Variants in CDYL2 observed in about 807,000 individuals in gnomAD.
CDYL2 encodes chromodomain Y-like protein 2.
In CDYL2, 23 loss-of-function variants were observed where a neutral mutation model predicts 49.4. The observed-to-expected ratio is 0.47, with a 90% CI of 0.34 to 0.66. CDYL2 has a LOEUF of 0.66. Among genes scored for constraint, CDYL2 ranks in the 30% least tolerant of loss-of-function variants. CDYL2 has a pLI of 0.01. For synonymous variants in CDYL2, 360 were observed against 268.8 expected (o/e 1.34, Z -3.32); for missense variants, 678 against 656.4 (o/e 1.03, Z -0.36).
chr16:80,623,539 A>T (rs1907175335), intron 3 of CDYL2, among the ~76,000 whole-genome samples: 1 of 152,194 alleles, frequency 6.6e-6, no homozygotes, highest in Non-Finnish European at 1.5e-5. Context: ...CTGCCTAGAA[A>T]TGCAGAGTCT....
chr16:80,778,201 T>C (rs1433117137), intron 1 of CDYL2, among the ~76,000 whole-genome samples: 1 of 151,996 alleles, frequency 6.6e-6, no homozygotes, highest in African/African-American at 2.4e-5. Context: ...TAGCCACTTC[T>C]TTAATTCATG....
At chr16:80,640,979 T>C (rs1186241207) in intron 2 of CDYL2, among the ~76,000 whole-genome samples, 2 of 151,974 alleles carry the variant, frequency 1.3e-5, no homozygotes, top group African/African-American at 4.8e-5. Flanking sequence ...AAAGGGCAAA[T>C]CTAAGAGTTA....
intron 2 of CDYL2, among the ~76,000 whole-genome samples, chr16:80,661,852 G>C (rs368898277): frequency 2.6e-5 from 4 of 152,144 alleles, no homozygotes; most frequent in African/African-American, 9.7e-5. Flanking sequence ...TGAGGGATAA[G>C]CCTGAGATGT....
intron 2 of CDYL2, among the ~76,000 whole-genome samples, chr16:80,636,937 G>A (rs985372148): frequency 6.6e-6 from 1 of 152,168 alleles, no homozygotes; most frequent in Admixed American, 6.5e-5. Context: ...ATCATTCTCA[G>A]CAAATGAACA....
chr16:80,763,493 TC>T (rs1906609581), intron 1 of CDYL2, among the ~76,000 whole-genome samples: 1 of 151,382 alleles, frequency 6.6e-6, no homozygotes, highest in Non-Finnish European at 1.5e-5. Flanking sequence ...GCACCTGTAA[TC>T]CCAGCAGCTT....
rs1906134745 is a variant in CDYL2, at chr16:80,602,487, G to C, written c.*1901C>G. ...CACTGCTTAAAGGACCATGTCTCTA[G>C]ATCTGGTGTAGACTATCAACGTGTT... On this transcript the variant is annotated 3_prime_UTR_variant, in exon 7 of 7. Coordinates refer to ENST00000570137, the MANE Select transcript of CDYL2 (RefSeq NM_152342.4). 1 of 152,184 alleles carries C rather than the reference G, an allele frequency of 6.6e-6. No homozygotes were observed. The highest frequency in any genetic ancestry group is 6.5e-5 in the Admixed American group (1 of 15,284). 9.4% of individuals were successfully genotyped at this position (152,184 alleles called of 1,614,324 possible).
chr16:80,611,466 G>A (rs1440226563), intron 5 of CDYL2, among the ~76,000 whole-genome samples: 6 of 152,118 alleles, frequency 3.9e-5, no homozygotes, highest in Admixed American at 6.5e-5. Context: ...GGGAGGAGCC[G>A]TCAAAGGAAG....
chr16:80,784,333 AG>A (rs1907364096), intron 1 of CDYL2, among the ~76,000 whole-genome samples: 1 of 152,226 alleles, frequency 6.6e-6, no homozygotes, highest in African/African-American at 2.4e-5. Flanking sequence ...CCCATTATCC[AG>A]AAGTTCTAAG....
intron 1 of CDYL2, among the ~76,000 whole-genome samples, chr16:80,779,344 T>C (rs1374846641): frequency 2.1e-5 from 3 of 141,482 alleles, no homozygotes; most frequent in African/African-American, 9.1e-5. Context: ...ACCTCTCAAG[T>C]TGCATTTTTT....
intron 1 of CDYL2, among the ~76,000 whole-genome samples, chr16:80,701,469 T>C (rs976337559): frequency 6.6e-6 from 1 of 152,222 alleles, no homozygotes; most frequent in East Asian, 1.9e-4. Context: ...AAAAATATTT[T>C]TTAAATTAAT....
At chr16:80,626,310 G>C (rs1907299412) in intron 3 of CDYL2, among the ~76,000 whole-genome samples, 1 of 146,904 alleles carries the variant, frequency 6.8e-6, no homozygotes, top group South Asian at 2.2e-4. Context: ...AAAAATTGGT[G>C]AATGTGTTGT....
chr16:80,658,194 G>C lies in CDYL2; in HGVS notation c.617-24958C>G, dbSNP rs141178985. Among the ~76,000 whole-genome samples, 23 of 152,042 alleles carry C rather than the reference G, an allele frequency of 1.5e-4. No homozygotes were observed. In the East Asian group the frequency reaches 4.2e-3, roughly 28 times the overall value. On this transcript the variant is annotated intron_variant, in intron 2 of 6. Coordinates refer to ENST00000570137, the MANE Select transcript of CDYL2 (RefSeq NM_152342.4). Reference sequence around the variant, plus strand: ...GTTGGCAGGGAAAATTGAGTAAAAGGGATGGGGAAGAGGTGACCCTTCTTT... The same window carrying C: ...GTTGGCAGGGAAAATTGAGTAAAAGCGATGGGGAAGAGGTGACCCTTCTTT...
chr16:80,689,875 C>A (rs1304971795), intron 1 of CDYL2, among the ~76,000 whole-genome samples: 2 of 152,146 alleles, frequency 1.3e-5, no homozygotes, highest in Non-Finnish European at 2.9e-5. Flanking sequence ...AATCCCAGCA[C>A]TTTGGGAGGC....
chr16:80,762,490 G>A (rs1279582736), intron 1 of CDYL2, among the ~76,000 whole-genome samples: 1 of 152,110 alleles, frequency 6.6e-6, no homozygotes, highest in African/African-American at 2.4e-5. Flanking sequence ...ACTCACAATC[G>A]CCAAAGCGTC....
intron 3 of CDYL2, among the ~76,000 whole-genome samples, chr16:80,623,174 G>C (rs569436852): frequency 6.6e-6 from 1 of 151,848 alleles, no homozygotes; most frequent in Non-Finnish European, 1.5e-5. Flanking sequence ...GGCCAGAAAT[G>C]CAGAGTCTAA....
At chr16:80,789,433 C>T (rs1026973071) in intron 1 of CDYL2, among the ~76,000 whole-genome samples, 13 of 152,062 alleles carry the variant, frequency 8.5e-5, no homozygotes, top group Non-Finnish European at 5.9e-5. Flanking sequence ...AACCCCATCT[C>T]TACTAAAAAT....
chr16:80,664,755 G>A (rs1567561547), intron 2 of CDYL2, among the ~76,000 whole-genome samples: 1 of 152,154 alleles, frequency 6.6e-6, no homozygotes, highest in East Asian at 1.9e-4. Flanking sequence ...TCTGAATCCT[G>A]GAACAGCCAC....
intron 2 of CDYL2, among the ~76,000 whole-genome samples, chr16:80,663,639 C>T (rs555121028): frequency 1.7e-4 from 26 of 152,196 alleles, no homozygotes; most frequent in African/African-American, 6.3e-4. Context: ...CTTGCCCAGG[C>T]TGGAGTGCAG....
intron 3 of CDYL2, among the ~76,000 whole-genome samples, chr16:80,626,627 T>C (rs955234168): frequency 3.3e-5 from 5 of 152,116 alleles, no homozygotes; most frequent in Admixed American, 2.0e-4. Flanking sequence ...AGAAAGTACA[T>C]AGTGATAGAA....
Sources: gnomAD v4.1 joint callset for allele counts (sites outside exome capture counted in the v4.1 genomes callset) on GRCh38, gnomAD v4.1.1 for gene constraint, MANE v1.5 for transcripts, NCBI Gene and HGNC (gene_info 2026-07-23, HGNC 2026-07-21) for gene names.